The following IL1RL2 variants were observed in gnomAD, a reference collection of about 807,000 sequenced individuals.
The protein encoded by IL1RL2 is interleukin-1 receptor-like 2.
IL1RL2 carries 68 observed loss-of-function variants against 66.8 expected under a neutral mutation model. The observed-to-expected ratio is 1.02, with a 90% confidence interval of 0.84 to 1.25. IL1RL2 has a LOEUF of 1.25. IL1RL2 is among the 50% of genes most tolerant of loss of function. IL1RL2 has a pLI of 0.00. For synonymous variants in IL1RL2, 305 were observed against 264.6 expected (o/e 1.15, Z -1.48); for missense variants, 729 against 709.3 (o/e 1.03, Z -0.32).
intron 1 of IL1RL2, chr2:102,187,399 C>T: frequency 1.1e-5 from 13 of 1,140,320 alleles, no homozygotes; most frequent in Non-Finnish European, 1.4e-5. Context: ...CTGTTTAGAC[C>T]GCCAGGCTCG....
rs530278008 is a variant in IL1RL2 at position 102,187,597 on chromosome 2, C to T, written c.-12-259C>T. Among the ~76,000 whole-genome samples the T allele has an allele frequency of 2.0e-5, 3 of 152,282 alleles. No homozygotes were observed. The South Asian group carries it at 6.2e-4, about 32-fold the overall frequency. Reference sequence around the variant, plus strand: ...GCTCCCACGCGGTCCCCACCGCCGCCGCCGCCTACTCCTCGCCCATCCTCC... The same window carrying T: ...GCTCCCACGCGGTCCCCACCGCCGCTGCCGCCTACTCCTCGCCCATCCTCC... On this transcript the variant is annotated intron_variant, in intron 1 of 11. Coordinates refer to ENST00000264257, the MANE Select transcript of IL1RL2 (RefSeq NM_003854.4).
At chr2:102,207,972 C>A (rs1371990196) in intron 5 of IL1RL2, among the ~76,000 whole-genome samples, 1 of 152,146 alleles carries the variant, frequency 6.6e-6, no homozygotes, top group Non-Finnish European at 1.5e-5. Flanking sequence ...CTCCATGAGC[C>A]CGTGGCAGCT....
At chr2:102,205,591 T>C (rs1224825894) in intron 5 of IL1RL2, among the ~76,000 whole-genome samples, 1 of 152,252 alleles carries the variant, frequency 6.6e-6, no homozygotes, top group Non-Finnish European at 1.5e-5. Context: ...CACTGAAAAG[T>C]CTGCTGCTAG....
chr2:102,239,411 C>T lies in IL1RL2; in HGVS notation c.*170C>T. On this transcript the variant is annotated 3_prime_UTR_variant, in exon 12 of 12. Coordinates refer to ENST00000264257, the MANE Select transcript of IL1RL2 (RefSeq NM_003854.4). ...ATGGGATAAGAACTGGGGCCATCCC[C>T]ATGTCATGGTGGGTGAGAGCTGGGG... The T allele has an allele frequency of 1.6e-6, 1 of 617,614 alleles. No homozygotes were observed. The highest frequency in any genetic ancestry group is 1.8e-5 in the South Asian group (1 of 57,114). The allele number at this position is 617,614 out of a possible 1,614,324, so 38.3% of individuals were successfully genotyped here.
chr2:102,232,058 T>C (rs1009536856), intron 9 of IL1RL2, among the ~76,000 whole-genome samples: 6 of 152,132 alleles, frequency 3.9e-5, no homozygotes, highest in Non-Finnish European at 8.8e-5. Context: ...GGTCTTATTC[T>C]GTCATCCAGG....
intron 10 of IL1RL2, among the ~76,000 whole-genome samples, chr2:102,234,482 T>A (rs531680395): frequency 6.6e-6 from 1 of 152,262 alleles, no homozygotes; most frequent in South Asian, 2.1e-4. Flanking sequence ...CATTCCTGAC[T>A]AAGTCATGTT....
chr2:102,200,119 A>G (rs1442579126), intron 4 of IL1RL2, among the ~76,000 whole-genome samples: 1 of 62,902 alleles, frequency 1.6e-5, no homozygotes, highest in Non-Finnish European at 3.1e-5. Flanking sequence ...TGTTCCAGCA[A>G]AAAAAAAAAA....
At position 102,239,364 on chromosome 2, in the gene IL1RL2, C is replaced by T. The variant is rs1479386560; in HGVS notation, c.*123C>T. On this transcript the variant is annotated 3_prime_UTR_variant, in exon 12 of 12. Coordinates refer to ENST00000264257, the MANE Select transcript of IL1RL2 (RefSeq NM_003854.4). ...TTAGCATTCTAGACACCCAGTTGAGCTCAGGCGTAGAGAAGAGGAGGATGG... is the reference window on the plus strand; with the variant it reads ...TTAGCATTCTAGACACCCAGTTGAGTTCAGGCGTAGAGAAGAGGAGGATGG... 3.4e-6 allele frequency: 3 copies of T among 893,846 alleles called. No individual in the cohort carries two copies. The African/African-American group carries it at 5.0e-5, about 15-fold the overall frequency. 55.4% of individuals were successfully genotyped at this position (893,846 alleles called of 1,614,324 possible).
At chr2:102,218,907 GTTTGT>G in intron 6 of IL1RL2, 41 bp from the exon 7 acceptor site, 1 of 1,559,930 alleles carries the variant, frequency 6.4e-7, no homozygotes, top group South Asian at 1.1e-5. Flanking sequence ...AAATTTGAAA[GTTTGT>G]AGAATTTTCA....
At chr2:102,233,959 A>T (rs1404937967) in intron 10 of IL1RL2, among the ~76,000 whole-genome samples, 1 of 152,150 alleles carries the variant, frequency 6.6e-6, no homozygotes, top group African/African-American at 2.4e-5. Context: ...AGGCACTAGA[A>T]ATATGAAAAT....
chr2:102,218,095 C>CA (rs1002079929), intron 6 of IL1RL2, among the ~76,000 whole-genome samples: 4 of 151,672 alleles, frequency 2.6e-5, no homozygotes, highest in African/African-American at 9.7e-5. Flanking sequence ...AACAAACAAA[C>CA]AAAAAACAAA....
At chr2:102,201,320 C>G (rs1688233281) in intron 4 of IL1RL2, among the ~76,000 whole-genome samples, 1 of 152,144 alleles carries the variant, frequency 6.6e-6, no homozygotes, top group Non-Finnish European at 1.5e-5. Flanking sequence ...TATACACACA[C>G]ATGCACATAT....
At chr2:102,228,836 G>A (rs186984056) in intron 9 of IL1RL2, among the ~76,000 whole-genome samples, 43 of 152,344 alleles carry the variant, frequency 2.8e-4, no homozygotes, top group Admixed American at 2.1e-3. Context: ...ATTTTCATGA[G>A]AGAACATGGC....
Position 102,239,179 on chromosome 2 carries a change from T to C in IL1RL2, c.1679-13T>C. 6.2e-7 allele frequency: 1 copy of C among 1,613,380 alleles called. No individual in the cohort carries two copies. Among genetic ancestry groups the C allele is most frequent in the Non-Finnish European group, 8.5e-7 (1 of 1,179,414 alleles). ...CATCAGAAAAGGAGTAAATAGATCT[T>C]TCCTGATTTCAGGCCCAGAACTAGG... On this transcript the variant is annotated splice_polypyrimidine_tract_variant and intron_variant, in intron 11 of 11. Transcript: ENST00000264257.
chr2:102,225,755 A>C (rs993951958), intron 8 of IL1RL2, 143 bp from the exon 9 acceptor site: 8 of 491,600 alleles, frequency 1.6e-5, no homozygotes, highest in Non-Finnish European at 2.6e-5. Context: ...CTTTAAAGAA[A>C]TGTTTAAGCA....
intron 5 of IL1RL2, among the ~76,000 whole-genome samples, chr2:102,210,836 G>A (rs1689109609): frequency 6.6e-6 from 1 of 152,204 alleles, no homozygotes; most frequent in Non-Finnish European, 1.5e-5. Flanking sequence ...TGGGCATGGA[G>A]CTTAGAGGAA....
intron 5 of IL1RL2, among the ~76,000 whole-genome samples, chr2:102,207,742 A>C (rs762251793): frequency 6.6e-6 from 1 of 152,132 alleles, no homozygotes; most frequent in East Asian, 1.9e-4. Flanking sequence ...GCTGCCCTAG[A>C]TGGGAATACT....
At chr2:102,225,258 G>A (rs1690499281) in intron 8 of IL1RL2, among the ~76,000 whole-genome samples, 1 of 152,212 alleles carries the variant, frequency 6.6e-6, no homozygotes, top group Admixed American at 6.5e-5. Context: ...TCATGAAACA[G>A]GCTAGGGTGT....
At chr2:102,204,556 A>G (rs76813038) in intron 5 of IL1RL2, among the ~76,000 whole-genome samples, 42,389 of 151,652 alleles carry the variant, frequency 0.28, 6,491 homozygotes, top group East Asian at 0.38. Context: ...TTTATATCTG[A>G]GTGCTTCAGT....
Sources: gnomAD v4.1 joint callset for allele counts (sites outside exome capture counted in the v4.1 genomes callset) on GRCh38, gnomAD v4.1.1 for gene constraint, MANE v1.5 for transcripts, NCBI Gene and HGNC (gene_info 2026-07-23, HGNC 2026-07-21) for gene names.